Variants in CLCA1 observed in about 807,000 individuals in gnomAD.
CLCA1 encodes the protein chloride channel accessory 1, also known as calcium-activated chloride channel regulator 1.
CLCA1 carries 59 observed loss-of-function variants against 85.6 expected under a neutral mutation model. The observed-to-expected ratio is 0.69, with a 90% confidence interval of 0.56 to 0.86. The LOEUF (loss-of-function observed/expected upper bound fraction) is 0.86, where lower values mean the gene tolerates loss of function less well. Among genes scored for constraint, CLCA1 ranks in the 40% least tolerant of loss-of-function variants. The pLI, the probability that CLCA1 is intolerant of heterozygous loss-of-function variation, is 0.00. For synonymous variants in CLCA1, 396 were observed against 398.3 expected, an observed-to-expected ratio of 0.99 and a Z score of 0.07; for missense variants, 1,022 against 1,101.4, an observed-to-expected ratio of 0.93 and a Z score of 1.02.
At chr1:86,487,734 C>G (rs894975209) in intron 7 of CLCA1, among the ~76,000 whole-genome samples, 4 of 152,166 alleles carry the variant, frequency 2.6e-5, no homozygotes, top group Non-Finnish European at 5.9e-5. Context: ...TGAGCACCAC[C>G]CTATCCTCCA....
At chr1:86,496,582 C>T (rs1185880465) in intron 12 of CLCA1, among the ~76,000 whole-genome samples, 3 of 152,202 alleles carry the variant, frequency 2.0e-5, no homozygotes, top group African/African-American at 4.8e-5. Context: ...CAGGCTTTCT[C>T]CTGAGGTTGG....
Position 86,485,411 on chromosome 1 carries a change from T to A in CLCA1, c.804T>A (p.Asn268Lys). ...EAPNKQNQKC[N>K]LRSTWEVIRD... The stretch of plus-strand genomic sequence containing the variant: ...CAAACAAGCAAAATCAAAAATGCAA[T>A]CTCCGAAGCACATGGGAAGTGATCC... Residue 268 changes from asparagine (N) to lysine (K), a missense_variant, in exon 6 of 14, where the codon AAT (asparagine) becomes AAA (lysine). Physicochemically the swap from Asn to Lys is moderately conservative, Grantham distance 94. Coordinates refer to ENST00000394711, the MANE Select transcript of CLCA1 (RefSeq NM_001285.4). 6.2e-7 allele frequency: 1 copy of A among 1,614,148 alleles called. No individual in the cohort carries two copies. Among genetic ancestry groups the A allele is most frequent in the Non-Finnish European group, 8.5e-7 (1 of 1,180,018 alleles).
chr1:86,494,435 G>A lies in CLCA1; in HGVS notation c.1929G>A (p.Leu643=). Residue 643 remains leucine, a synonymous_variant, in exon 11 of 14, where the codon CTG becomes CTA. Transcript: ENST00000394711. ...GAAAAACAGTTACCTTGGAACTACTGGATAATGGAGCAGGTAATCACCCAA... is the reference window on the plus strand; with the variant it reads ...GAAAAACAGTTACCTTGGAACTACTAGATAATGGAGCAGGTAATCACCCAA... ...VNGKTVTLEL[L]DNGAGADATK... The A allele has an allele frequency of 6.2e-7, 1 of 1,613,978 alleles. No individual in the cohort carries two copies. The highest frequency in any genetic ancestry group is 1.3e-5 in the African/African-American group (1 of 75,020).
chr1:86,489,197 G>A (rs5744379), intron 8 of CLCA1, 27 bp downstream of exon 8: 50,640 of 1,602,208 alleles, frequency 0.032, 969 homozygotes, highest in Middle Eastern at 0.065. Context: ...TGAGACCCCC[G>A]GTATTGTCTC....
At chr1:86,495,050 A>C (rs1018365590) in intron 11 of CLCA1, among the ~76,000 whole-genome samples, 17 of 152,208 alleles carry the variant, frequency 1.1e-4, no homozygotes, top group African/African-American at 3.1e-4. Context: ...AAAAAAAAAA[A>C]AAAACATGTC....
At chr1:86,485,244 C>A in intron 5 of CLCA1, 99 bp from the exon 6 acceptor site, 1 of 884,538 alleles carries the variant, frequency 1.1e-6, no homozygotes, top group Non-Finnish European at 1.8e-6. Flanking sequence ...TGCAATTGAG[C>A]CAAGGTTATG....
At position 86,489,035 on chromosome 1, in the gene CLCA1, G is replaced by A. The variant is rs758562686; in HGVS notation, c.1222G>A (p.Val408Met). 1.2e-6 allele frequency: 2 copies of A among 1,614,134 alleles called. No individual in the cohort carries two copies. The highest frequency in any genetic ancestry group is 1.1e-5 in the South Asian group (1 of 91,080). The change falls in exon 8 of 14, where the codon GTG becomes ATG. Residue 408 changes from valine to methionine, a missense_variant. Physicochemically the swap from Val to Met is conservative, Grantham distance 21. Transcript: ENST00000394711. ...KKYPTDGSEI[V>M]LLTDGEDNTI... ...ATATCCAACTGATGGATCTGAAATT[G>A]TGCTGCTGACGGATGGGGAAGACAA...
At chr1:86,482,939 A>G (rs921181197) in intron 5 of CLCA1, among the ~76,000 whole-genome samples, 4 of 152,230 alleles carry the variant, frequency 2.6e-5, no homozygotes, top group African/African-American at 9.6e-5. Flanking sequence ...AGTTATTGAT[A>G]TTACTGCTAA....
chr1:86,476,443 C>T lies in CLCA1; in HGVS notation c.452-5C>T. The stretch of plus-strand genomic sequence containing the variant: ...TAATCAGTTTTTTAAAATACTTTCT[C>T]ACAGGTAGGGCATTTGTCCATGAGT... On this transcript the variant is annotated splice_polypyrimidine_tract_variant and splice_region_variant and intron_variant, in intron 3 of 13. Transcript: ENST00000394711. 6.7e-7 allele frequency: 1 copy of T among 1,490,232 alleles called. No homozygotes were observed. Among genetic ancestry groups the T allele is most frequent in the Non-Finnish European group, 9.3e-7 (1 of 1,071,352 alleles). 92.3% of individuals were successfully genotyped at this position (1,490,232 alleles called of 1,614,324 possible). A position where few individuals can be genotyped will look rare whatever the true frequency, so the allele number is the denominator to read the frequency against.
chr1:86,492,876 A>G (rs1295658514), intron 9 of CLCA1, among the ~76,000 whole-genome samples: 1 of 152,248 alleles, frequency 6.6e-6, no homozygotes, highest in African/African-American at 2.4e-5. Flanking sequence ...TTCATATACC[A>G]ATAAATATAG....
chr1:86,494,192 C>T lies in CLCA1; in HGVS notation c.1686C>T (p.Gly562=). The T allele has an allele frequency of 6.2e-7, 1 of 1,614,124 alleles. No homozygotes were observed. ...YLQIPGIAKV[G]TWKYSLQASS... is the part of the protein sequence containing the mutation. ...TTTACATGTGTTTTGGTCAGGTTGG[C>T]ACTTGGAAATACAGTCTGCAAGCAA... is the stretch of plus-strand genomic sequence containing the variant. The change falls in exon 11 of 14, where the codon GGC becomes GGT. Residue 562 remains glycine, a synonymous_variant. Coordinates refer to ENST00000394711, the MANE Select transcript of CLCA1 (RefSeq NM_001285.4).
intron 4 of CLCA1, among the ~76,000 whole-genome samples, chr1:86,481,135 AT>A (rs970691326): frequency 1.1e-4 from 16 of 151,588 alleles, no homozygotes; most frequent in Middle Eastern, 3.4e-3. Context: ...CACATTTTGA[AT>A]TTTTTTTTCT....
At chr1:86,484,960 T>G (rs1384375998) in intron 5 of CLCA1, among the ~76,000 whole-genome samples, 1 of 152,068 alleles carries the variant, frequency 6.6e-6, no homozygotes, top group Non-Finnish European at 1.5e-5. Flanking sequence ...GAATATAGTG[T>G]GTTGGTAAAT....
intron 1 of CLCA1, among the ~76,000 whole-genome samples, chr1:86,470,941 A>G (rs973558606): frequency 2.0e-5 from 3 of 152,140 alleles, no homozygotes; most frequent in South Asian, 4.1e-4. Context: ...CCCCACCTAC[A>G]AGAGCAGTTA....
chr1:86,496,975 G>T (rs555293333), intron 12 of CLCA1, among the ~76,000 whole-genome samples: 1 of 152,144 alleles, frequency 6.6e-6, no homozygotes, highest in African/African-American at 2.4e-5. Flanking sequence ...TGATCTGCCC[G>T]CCTCGGCCTC....
chr1:86,490,406 C>A (rs1648103037), intron 8 of CLCA1, among the ~76,000 whole-genome samples: 1 of 152,206 alleles, frequency 6.6e-6, no homozygotes, highest in Non-Finnish European at 1.5e-5. Flanking sequence ...GACACCTATT[C>A]TAAATAGCCC....
intron 1 of CLCA1, among the ~76,000 whole-genome samples, chr1:86,470,137 T>G: frequency 6.6e-6 from 1 of 152,120 alleles, no homozygotes; most frequent in East Asian, 1.9e-4. Context: ...CCCAGAGGGA[T>G]TTCCCCAGAG....
At chr1:86,484,031 A>T (rs952883750) in intron 5 of CLCA1, among the ~76,000 whole-genome samples, 31 of 152,292 alleles carry the variant, frequency 2.0e-4, no homozygotes, top group African/African-American at 7.5e-4. Flanking sequence ...AAATCATCAG[A>T]TTACGTGGGA....
At chr1:86,498,158 G>A (rs1009406994) in intron 12 of CLCA1, among the ~76,000 whole-genome samples, 3 of 97,810 alleles carry the variant, frequency 3.1e-5, no homozygotes, top group African/African-American at 1.2e-4. Flanking sequence ...AACAAAGAAA[G>A]GAAGGAAGGA....
Sources: gnomAD v4.1 joint callset for allele counts (sites outside exome capture counted in the v4.1 genomes callset) on GRCh38, gnomAD v4.1.1 for gene constraint, MANE v1.5 for transcripts, NCBI Gene and HGNC (gene_info 2026-07-23, HGNC 2026-07-21) for gene names.